The following GALNTL6 variants were observed in gnomAD, a reference collection of about 807,000 sequenced individuals.
GALNTL6 encodes the protein polypeptide N-acetylgalactosaminyltransferase-like 6.
In GALNTL6, 46 loss-of-function variants were observed where a neutral mutation model predicts 73.7. The ratio of observed to expected loss-of-function variants is 0.62; its 90% CI spans 0.49 to 0.80. The LOEUF (loss-of-function observed/expected upper bound fraction) is 0.80. Among genes scored for constraint, GALNTL6 ranks in the 30% least tolerant of loss-of-function variants. The pLI is 0.00. For missense variants in GALNTL6, 604 were observed against 755.0 expected, an observed-to-expected ratio of 0.80 and a Z score of 2.34; for synonymous variants, 259 against 263.7, an observed-to-expected ratio of 0.98 and a Z score of 0.17.
intron 5 of GALNTL6, among the ~76,000 whole-genome samples, chr4:172,798,108 C>A (rs895603481): frequency 2.0e-5 from 3 of 152,068 alleles, no homozygotes; most frequent in Non-Finnish European, 4.4e-5. Context: ...GGCTCATATT[C>A]ACTTACAATC....
chr4:172,937,388 A>G (rs1748676838), intron 9 of GALNTL6, among the ~76,000 whole-genome samples: 1 of 152,118 alleles, frequency 6.6e-6, no homozygotes, highest in South Asian at 2.1e-4. Context: ...CATCCCAGAG[A>G]AAATAGTATC....
chr4:172,132,736 C>T (rs911425935), intron 2 of GALNTL6, among the ~76,000 whole-genome samples: 3 of 152,024 alleles, frequency 2.0e-5, no homozygotes, highest in African/African-American at 7.2e-5. Flanking sequence ...TTTATGAATG[C>T]AGTGTTTAAA....
intron 2 of GALNTL6, among the ~76,000 whole-genome samples, chr4:172,012,599 G>A (rs1327617368): frequency 6.6e-6 from 1 of 151,978 alleles, no homozygotes; most frequent in Non-Finnish European, 1.5e-5. Flanking sequence ...CCTCTCCTGA[G>A]GTTTTCACAG....
intron 2 of GALNTL6, among the ~76,000 whole-genome samples, chr4:172,073,205 CACAG>C (rs1385767676): frequency 6.6e-6 from 1 of 152,116 alleles, no homozygotes; most frequent in Non-Finnish European, 1.5e-5. Flanking sequence ...CTCTGAGACT[CACAG>C]ACATTCTCTA....
At chr4:173,038,886 A>G (rs1434738273) in intron 12 of GALNTL6, among the ~76,000 whole-genome samples, 3 of 152,242 alleles carry the variant, frequency 2.0e-5, no homozygotes, top group Non-Finnish European at 4.4e-5. Flanking sequence ...AGGTAACCAG[A>G]GCCTGTAAAC....
At chr4:172,030,656 G>A (rs1019164353) in intron 2 of GALNTL6, among the ~76,000 whole-genome samples, 3 of 152,024 alleles carry the variant, frequency 2.0e-5, no homozygotes, top group African/African-American at 4.8e-5. Flanking sequence ...GTTGCAGTAA[G>A]CCAAGATCGC....
intron 2 of GALNTL6, among the ~76,000 whole-genome samples, chr4:172,118,103 T>C (rs928291066): frequency 6.6e-6 from 1 of 152,156 alleles, no homozygotes; most frequent in Non-Finnish European, 1.5e-5. Flanking sequence ...GTTATAGTAG[T>C]GATTGAGATG....
At chr4:172,981,803 T>C (rs1042401959) in intron 10 of GALNTL6, among the ~76,000 whole-genome samples, 15 of 148,884 alleles carry the variant, frequency 1.0e-4, no homozygotes, top group Non-Finnish European at 1.6e-4. Flanking sequence ...CGTCTTTTTT[T>C]TTTTTTTTTT....
At chr4:172,653,185 A>G (rs749309008) in intron 5 of GALNTL6, among the ~76,000 whole-genome samples, 6 of 150,744 alleles carry the variant, frequency 4.0e-5, no homozygotes, top group Non-Finnish European at 8.8e-5. Context: ...TTCGTTGGCT[A>G]AACTATTGCA....
At chr4:172,305,841 A>G (rs1325104985) in intron 3 of GALNTL6, among the ~76,000 whole-genome samples, 2 of 152,108 alleles carry the variant, frequency 1.3e-5, no homozygotes, top group East Asian at 3.9e-4. Flanking sequence ...ATACCTTTAG[A>G]GAATCATTCA....
intron 12 of GALNTL6, among the ~76,000 whole-genome samples, chr4:173,037,708 G>C (rs1364601858): frequency 6.6e-6 from 1 of 151,908 alleles, no homozygotes; most frequent in Non-Finnish European, 1.5e-5. Context: ...TATGTGTTTT[G>C]AGGGGGAAAT....
intron 2 of GALNTL6, among the ~76,000 whole-genome samples, chr4:172,199,185 C>CAA (rs990511255): frequency 1.3e-5 from 2 of 152,124 alleles, no homozygotes; most frequent in African/African-American, 4.8e-5. Flanking sequence ...AGCAAATAAA[C>CAA]AAATCTATTT....
intron 2 of GALNTL6, among the ~76,000 whole-genome samples, chr4:172,164,608 A>G (rs954366772): frequency 6.6e-6 from 1 of 152,038 alleles, no homozygotes; most frequent in Non-Finnish European, 1.5e-5. Context: ...TTACTATACT[A>G]ATAATAGATT....
At chr4:171,874,371 G>A (rs914458416) in intron 2 of GALNTL6, among the ~76,000 whole-genome samples, 8 of 152,020 alleles carry the variant, frequency 5.3e-5, no homozygotes, top group South Asian at 2.1e-4. Context: ...TGTATTTTTA[G>A]TCGAGACAGG....
chr4:172,985,925 T>C (rs1751269501), intron 10 of GALNTL6, among the ~76,000 whole-genome samples: 1 of 152,240 alleles, frequency 6.6e-6, no homozygotes, highest in Non-Finnish European at 1.5e-5. Flanking sequence ...TTTCTAATCT[T>C]GTGGCTAATT....
At chr4:172,296,554 T>C (rs1276067697) in intron 3 of GALNTL6, among the ~76,000 whole-genome samples, 1 of 152,082 alleles carries the variant, frequency 6.6e-6, no homozygotes, top group Non-Finnish European at 1.5e-5. Context: ...GATGTTCCCC[T>C]TCCTGTGTCC....
intron 5 of GALNTL6, among the ~76,000 whole-genome samples, chr4:172,615,915 TA>T (rs1373596311): frequency 1.3e-5 from 2 of 152,156 alleles, no homozygotes; most frequent in African/African-American, 4.8e-5. Context: ...TACCACCAGC[TA>T]ACACCTGACT....
intron 2 of GALNTL6, among the ~76,000 whole-genome samples, chr4:171,825,794 T>C (rs1423224986): frequency 6.6e-6 from 1 of 152,160 alleles, no homozygotes; most frequent in Non-Finnish European, 1.5e-5. Context: ...GCCCGATGAA[T>C]AGATGAAAGA....
intron 12 of GALNTL6, among the ~76,000 whole-genome samples, chr4:173,025,263 G>A (rs775819742): frequency 6.6e-6 from 1 of 152,140 alleles, no homozygotes; most frequent in Non-Finnish European, 1.5e-5. Flanking sequence ...TACCACCAGG[G>A]GGACCCCTGT....
Sources: allele counts gnomAD v4.1 joint callset (sites outside exome capture counted in the v4.1 genomes callset), GRCh38; gene constraint gnomAD v4.1.1; transcripts MANE v1.5; gene names NCBI Gene and HGNC (gene_info 2026-07-23, HGNC 2026-07-21).